The following ATP2C1 variants were observed in gnomAD, a reference collection of about 807,000 sequenced individuals.
ATP2C1 encodes the protein ATPase secretory pathway Ca2+ transporting 1, also known as calcium-transporting ATPase type 2C member 1.
Under a neutral mutation model 120.5 loss-of-function variants are expected in ATP2C1, and 31 were observed. That is an observed-to-expected ratio of 0.26 (90% CI 0.19 to 0.35). The LOEUF is 0.35. ATP2C1 is among the 10% of genes least tolerant of loss of function. The pLI is 1.00. For missense variants in ATP2C1, 731 were observed against 1,107.5 expected, an observed-to-expected ratio of 0.66 and a Z score of 4.83; for synonymous variants, 351 against 358.7, an observed-to-expected ratio of 0.98 and a Z score of 0.24.
chr3:130,933,354 T>C (rs779072130), intron 4 of ATP2C1, among the ~76,000 whole-genome samples: 4 of 152,180 alleles, frequency 2.6e-5, no homozygotes, highest in Non-Finnish European at 5.9e-5. Context: ...AAAAAGATCA[T>C]GGGTCTTGCC....
chr3:130,876,075 G>A (rs2068593334), intron 1 of ATP2C1, among the ~76,000 whole-genome samples: 1 of 151,572 alleles, frequency 6.6e-6, no homozygotes, highest in Non-Finnish European at 1.5e-5. Flanking sequence ...CATTCTACAG[G>A]TTGTCTCTTC....
At position 130,942,021 on chromosome 3, in the gene ATP2C1, A is replaced by G. The variant is rs191983846; in HGVS notation, c.531+322A>G. ...GTACACAAATTACTCACCATAAAAT[A>G]GAACTCAGTAATTGAGTAAGAGAAG... On this transcript the variant is annotated intron_variant, in intron 8 of 27. Transcript: ENST00000510168. Among the ~76,000 whole-genome samples the G allele has an allele frequency of 2.2e-4, 33 of 152,366 alleles. No individual in the cohort carries two copies. In the East Asian group the frequency reaches 6.0e-3, roughly 28 times the overall value.
chr3:130,941,129 T>C (rs566148385), intron 7 of ATP2C1, among the ~76,000 whole-genome samples: 17 of 151,960 alleles, frequency 1.1e-4, no homozygotes, highest in Non-Finnish European at 2.2e-4. Flanking sequence ...TTAGCCAGGA[T>C]GGTCTCGATC....
intron 1 of ATP2C1, among the ~76,000 whole-genome samples, chr3:130,884,993 G>A (rs1167128632): frequency 6.8e-6 from 1 of 146,056 alleles, no homozygotes; most frequent in Non-Finnish European, 1.5e-5. Context: ...GAGTACAATG[G>A]CGCGATTTTG....
intron 13 of ATP2C1, 50 bp from the exon 14 acceptor site, chr3:130,964,896 CCT>C (rs1161065060): frequency 8.3e-6 from 11 of 1,324,834 alleles, no homozygotes; most frequent in Non-Finnish European, 1.2e-5. Context: ...TTTAAGTGAA[CCT>C]ATATTTCTCC....
Position 130,955,935 on chromosome 3 carries a change from T to G in ATP2C1, c.757-169T>G, listed in dbSNP as rs1160607515. On this transcript the variant is annotated intron_variant, in intron 10 of 27. Transcript: ENST00000510168. ...CCTCACTGTGTGACCTTGGGCATTG[T>G]GTAAAATCTAAGTCTCAGTTTTCTC... The G allele has an allele frequency of 3.4e-5, 20 of 590,198 alleles. No homozygotes were observed. In the East Asian group the frequency reaches 6.1e-4, roughly 18 times the overall value. 36.6% of individuals were successfully genotyped at this position (590,198 alleles called of 1,614,324 possible).
At chr3:130,913,213 A>G (rs892165099) in intron 2 of ATP2C1, among the ~76,000 whole-genome samples, 4 of 149,698 alleles carry the variant, frequency 2.7e-5, no homozygotes, top group African/African-American at 7.4e-5. Context: ...AACCTGCACA[A>G]TGTGCACATG....
At chr3:130,985,225 T>G (rs549383639) in intron 20 of ATP2C1, among the ~76,000 whole-genome samples, 1 of 152,286 alleles carries the variant, frequency 6.6e-6, no homozygotes, top group East Asian at 1.9e-4. Context: ...ATCCTTTAAG[T>G]CTCTATAACT....
rs771838120 is a variant in ATP2C1, at chr3:130,967,312, T to C, written c.1219-18T>C. The C allele has an allele frequency of 6.2e-7, 1 of 1,613,250 alleles. No individual in the cohort carries two copies. The highest frequency in any genetic ancestry group is 8.5e-7 in the Non-Finnish European group (1 of 1,179,262). ...AAGACACAGTGATAGGTTCATAGTT[T>C]ATGTGTATTTTTCTTAGGCGGGCTG... On this transcript the variant is annotated intron_variant, in intron 15 of 27. Coordinates refer to ENST00000510168, the MANE Select transcript of ATP2C1 (RefSeq NM_001378687.1).
chr3:130,941,806 G>A lies in ATP2C1; in HGVS notation c.531+107G>A, dbSNP rs969186041. Reference sequence around the variant, plus strand: ...ACACATAGTTGATTTGAACCATTTGGTATTCTACTTTAAAATGTGACATAT... The same window carrying A: ...ACACATAGTTGATTTGAACCATTTGATATTCTACTTTAAAATGTGACATAT... On this transcript the variant is annotated intron_variant, in intron 8 of 27. Coordinates refer to ENST00000510168, the MANE Select transcript of ATP2C1 (RefSeq NM_001378687.1). 3.1e-6 allele frequency: 3 copies of A among 975,546 alleles called. No homozygotes were observed. The East Asian group carries it at 7.5e-5, about 24-fold the overall frequency. The allele number at this position is 975,546 out of a possible 1,614,324, so 60.4% of individuals were successfully genotyped here. A position where few individuals can be genotyped will look rare whatever the true frequency, so the allele number is the denominator to read the frequency against.
At chr3:130,996,002 G>T in intron 22 of ATP2C1, 41 bp from the exon 23 acceptor site, 1 of 1,247,550 alleles carries the variant, frequency 8.0e-7, no homozygotes, top group South Asian at 1.2e-5. Flanking sequence ...ATTTTTGTAT[G>T]ATAATATTTT....
downstream of ATP2C1, among the ~76,000 whole-genome samples, chr3:131,004,598 T>G (rs1475917366): frequency 6.6e-6 from 1 of 152,032 alleles, no homozygotes; most frequent in East Asian, 1.9e-4. Context: ...TCCACTAGAG[T>G]GGTAAATGCT....
At chr3:130,873,209 G>A (rs935822464) in intron 1 of ATP2C1, among the ~76,000 whole-genome samples, 2 of 152,168 alleles carry the variant, frequency 1.3e-5, no homozygotes, top group Non-Finnish European at 1.5e-5. Context: ...AAACAGAGCA[G>A]CTTCTTATAT....
At chr3:130,877,804 T>C (rs980773273) in intron 1 of ATP2C1, among the ~76,000 whole-genome samples, 2 of 152,152 alleles carry the variant, frequency 1.3e-5, no homozygotes, top group African/African-American at 4.8e-5. Context: ...ATCCAAAGGA[T>C]TATAAATCAT....
At chr3:130,881,754 A>T (rs185012632) in intron 1 of ATP2C1, among the ~76,000 whole-genome samples, 22 of 152,292 alleles carry the variant, frequency 1.4e-4, no homozygotes, top group Admixed American at 1.2e-3. Context: ...TACAGTTTTC[A>T]TCATAGAGAT....
At chr3:130,885,601 C>T (rs1438069736) in intron 1 of ATP2C1, among the ~76,000 whole-genome samples, 1 of 116,524 alleles carries the variant, frequency 8.6e-6, no homozygotes, top group Non-Finnish European at 2.2e-5. Context: ...AACAAAAACA[C>T]ATTAAAAAAA....
At chr3:130,898,959 A>G (rs1389866156) in intron 2 of ATP2C1, among the ~76,000 whole-genome samples, 1 of 152,164 alleles carries the variant, frequency 6.6e-6, no homozygotes, top group Non-Finnish European at 1.5e-5. Context: ...GTCCCCTCAC[A>G]TTTACTTTGT....
rs771725725 is a variant in ATP2C1, at chr3:130,934,618, T to A, written c.235-4T>A. 1 of 1,604,260 alleles carries A rather than the reference T, an allele frequency of 6.2e-7. No homozygotes were observed. The highest frequency in any genetic ancestry group is 1.7e-4 in the Middle Eastern group (1 of 6,046). The stretch of plus-strand genomic sequence containing the variant: ...GTTGAATTGCTGTTTGTTTTTACTT[T>A]CAGTTTAAAAATCCCCTTATTATGC... On this transcript the variant is annotated splice_polypyrimidine_tract_variant and splice_region_variant and intron_variant, in intron 4 of 27. Coordinates refer to ENST00000510168, the MANE Select transcript of ATP2C1 (RefSeq NM_001378687.1).
intron 20 of ATP2C1, among the ~76,000 whole-genome samples, chr3:130,992,432 A>C (rs1408667131): frequency 6.6e-6 from 1 of 152,196 alleles, no homozygotes; most frequent in Admixed American, 6.5e-5. Context: ...TTTTGGAGAG[A>C]TAAAAATCAT....
Sources: allele counts gnomAD v4.1 joint callset (sites outside exome capture counted in the v4.1 genomes callset), GRCh38; gene constraint gnomAD v4.1.1; transcripts MANE v1.5; gene names NCBI Gene and HGNC (gene_info 2026-07-23, HGNC 2026-07-21).